The following LAMA5 variants were observed in gnomAD, a reference collection of about 807,000 sequenced individuals.
LAMA5 encodes the protein laminin subunit alpha 5.
Under a neutral mutation model 433.4 loss-of-function variants are expected in LAMA5, and 260 were observed. The ratio of observed to expected loss-of-function variants is 0.60; its 90% CI spans 0.54 to 0.66. The LOEUF (loss-of-function observed/expected upper bound fraction) is 0.66, where lower values mean the gene tolerates loss of function less well. LAMA5 is among the 30% of genes least tolerant of loss of function. LAMA5 has a pLI of 0.00. For missense variants in LAMA5, 5,378 were observed against 5,258.5 expected, an observed-to-expected ratio of 1.02 and a Z score of -0.70; for synonymous variants, 2,620 against 2,226.6, an observed-to-expected ratio of 1.18 and a Z score of -4.97.
chr20:62,313,160 G>A lies in LAMA5; in HGVS notation c.8883C>T (p.Ser2961=), dbSNP rs147183908. ...FARISFDSQI[S]TTKRFEQELR... Reference sequence around the variant, plus strand: ...GCTCCTGCTCGAAGCGCTTGGTGGTGCTGATCTGACTGTCGAAGCTGATGC... The same window carrying A: ...GCTCCTGCTCGAAGCGCTTGGTGGTACTGATCTGACTGTCGAAGCTGATGC... Residue 2961 remains serine, a synonymous_variant, in exon 65 of 80, where the codon AGC becomes AGT. Transcript: ENST00000252999. 6 of 1,601,396 alleles carry A rather than the reference G, an allele frequency of 3.7e-6. No homozygotes were observed. The highest frequency in any genetic ancestry group is 1.6e-4 in the Middle Eastern group (1 of 6,068).
rs144793687 is a variant in LAMA5, at chr20:62,333,448, C to G, written c.3055G>C (p.Glu1019Gln). The G allele has an allele frequency of 5.6e-6, 9 of 1,612,596 alleles. No individual in the cohort carries two copies. The African/African-American group carries it at 1.2e-4, about 22-fold the overall frequency. Reference sequence around the variant, plus strand: ...ACCCGCAGCTGCAGGAGCGCCGCCTCGTAGTATGCGCTAGGCAGCAGAACC... The same window carrying G: ...ACCCGCAGCTGCAGGAGCGCCGCCTGGTAGTATGCGCTAGGCAGCAGAACC... ...YVVLLPSAYY[E>Q]AALLQLRVTE... Residue 1019 changes from glutamate to glutamine, a missense_variant, in exon 25 of 80, where the codon GAG becomes CAG. Physicochemically the swap from Glu to Gln is conservative, Grantham distance 29 (BLOSUM62 2). Coordinates refer to ENST00000252999, the MANE Select transcript of LAMA5 (RefSeq NM_005560.6).
rs751806649 is a variant in LAMA5, at chr20:62,310,823, C to A, written c.10288G>T (p.Val3430Leu). 6.4e-7 allele frequency: 1 copy of A among 1,560,822 alleles called. No homozygotes were observed. The highest frequency in any genetic ancestry group is 1.9e-5 in the Admixed American group (1 of 53,526). The change falls in exon 75 of 80, where the codon GTG becomes TTG. Residue 3430 changes from valine to leucine, a missense_variant. Coordinates refer to ENST00000252999, the MANE Select transcript of LAMA5 (RefSeq NM_005560.6). ...SRPGRWHKVS[V>L]RWEKNRILLV... is the part of the protein sequence containing the mutation. ...AGGATCCGGTTCTTCTCCCAGCGCA[C>A]GGAGACCTGGGGGCAGGAGATGGGT...
At chr20:62,352,492 A>C in intron 3 of LAMA5, 132 bp from the exon 4 acceptor site, 1 of 666,876 alleles carries the variant, frequency 1.5e-6, no homozygotes, top group Non-Finnish European at 2.6e-6. Flanking sequence ...CGTGACAGAG[A>C]CCACAGCTCA....
At chr20:62,363,114 G>A (rs1986335888) in intron 1 of LAMA5, among the ~76,000 whole-genome samples, 1 of 152,212 alleles carries the variant, frequency 6.6e-6, no homozygotes, top group South Asian at 2.1e-4. Context: ...AGGACCGTCA[G>A]GGCCGGGATC....
chr20:62,355,604 G>GC (rs1207122470), intron 2 of LAMA5: 1 of 152,236 alleles, frequency 6.6e-6, no homozygotes, highest in Non-Finnish European at 1.5e-5. Context: ...CGGGGCACAG[G>GC]CCTATTCACC....
At chr20:62,343,774 C>CAAAAAAA (rs11474754) in intron 11 of LAMA5, among the ~76,000 whole-genome samples, 8 of 61,384 alleles carry the variant, frequency 1.3e-4, no homozygotes, top group East Asian at 7.4e-4. Context: ...GAAACTCCAT[C>CAAAAAAA]AAAAAAAAAA....
In LAMA5 at chr20:62,324,057, G is replaced by T. The variant is rs369310270; in HGVS notation, c.5768+23C>A. On this transcript the variant is annotated intron_variant, in intron 43 of 79. Transcript: ENST00000252999. The surrounding 1 kb of genome is among the most constrained non-coding windows in gnomAD (Gnocchi z 4.4). ...GGGAGCCTGGCACCATCAGGGCCTCGTCCCGGGAGGAGGCTGGCTTACTTG... is the reference window on the plus strand; with the variant it reads ...GGGAGCCTGGCACCATCAGGGCCTCTTCCCGGGAGGAGGCTGGCTTACTTG... 6.7e-7 allele frequency: 1 copy of T among 1,491,618 alleles called. No individual in the cohort carries two copies. Among genetic ancestry groups the T allele is most frequent in the East Asian group, 2.4e-5 (1 of 42,112 alleles). 92.4% of individuals were successfully genotyped at this position (1,491,618 alleles called of 1,614,324 possible).
intron 50 of LAMA5, 22 bp from the exon 51 acceptor site, chr20:62,319,817 G>A (rs1227773998): frequency 6.6e-7 from 1 of 1,520,740 alleles, no homozygotes; most frequent in South Asian, 1.2e-5. Flanking sequence ...GAGCCCACTA[G>A]CCCACGCTGC....
intron 53 of LAMA5, among the ~76,000 whole-genome samples, chr20:62,318,066 T>G (rs1156274182): frequency 3.5e-4 from 2 of 5,648 alleles, no homozygotes; most frequent in Non-Finnish European, 6.7e-4. Context: ...TGAGGAGAGA[T>G]GGGGAAATGA....
Position 62,318,557 on chromosome 20 carries a change from G to T in LAMA5, c.7136C>A (p.Ala2379Asp). The T allele has an allele frequency of 1.2e-6, 2 of 1,610,222 alleles. No individual in the cohort carries two copies. Among genetic ancestry groups the T allele is most frequent in the Admixed American group, 1.7e-5 (1 of 59,912 alleles). The change falls in exon 53 of 80, where the codon GCC becomes GAC. Residue 2379 changes from alanine to aspartate, a missense_variant. Transcript: ENST00000252999. ...AGCCTCTCGCAGGTCCATGAGGCCG[G>T]CCTCGTGCTGGGCCAGCCGGTCGCG... ...QTRDRLAQHE[A>D]GLMDLREALN...
intron 24 of LAMA5, 27 bp downstream of exon 24, chr20:62,333,537 C>G: frequency 6.4e-7 from 1 of 1,571,420 alleles, no homozygotes; most frequent in Non-Finnish European, 8.6e-7. Context: ...ACCCGGCCCC[C>G]AGCCCTCACT....
chr20:62,350,230 C>A (rs548558628), intron 6 of LAMA5, among the ~76,000 whole-genome samples: 1 of 152,176 alleles, frequency 6.6e-6, no homozygotes, highest in South Asian at 2.1e-4. Flanking sequence ...GGGTTCCACT[C>A]CCTGCTGTCA....
chr20:62,310,141 A>G, intron 77 of LAMA5, 37 bp downstream of exon 77: 1 of 1,611,700 alleles, frequency 6.2e-7, no homozygotes, highest in East Asian at 2.2e-5. Flanking sequence ...ATGGGGAGGC[A>G]AACCCTGCCC....
intron 6 of LAMA5, chr20:62,351,262 G>A (rs1371973288): frequency 4.3e-6 from 1 of 231,970 alleles, no homozygotes; most frequent in Non-Finnish European, 8.6e-6. Flanking sequence ...GGGGAGCTGG[G>A]CGGGCACCCC....
At position 62,324,545 on chromosome 20, in the gene LAMA5, G is replaced by C; in HGVS notation, c.5539C>G (p.Pro1847Ala). Residue 1847 changes from proline to alanine, a missense_variant, in exon 42 of 80, where the codon CCC becomes GCC. By Grantham distance (27) the Pro-to-Ala change is conservative. Coordinates refer to ENST00000252999, the MANE Select transcript of LAMA5 (RefSeq NM_005560.6). The surrounding 1 kb of genome is among the most constrained non-coding windows in gnomAD (Gnocchi z 4.4). ...YRGDSCQECA[P>A]GFYRDVKGLF... ...CCTTTGACGTCCCGATAGAAGCCGG[G>C]GGCACATTCCTGAGGGTGTACGGGG... 6.2e-7 allele frequency: 1 copy of C among 1,611,048 alleles called. No individual in the cohort carries two copies. Among genetic ancestry groups the C allele is most frequent in the South Asian group, 1.1e-5 (1 of 90,770 alleles).
chr20:62,312,916 G>T lies in LAMA5; in HGVS notation c.9050C>A (p.Pro3017Gln). 6.3e-7 allele frequency: 1 copy of T among 1,582,632 alleles called. No homozygotes were observed. Among genetic ancestry groups the T allele is most frequent in the Non-Finnish European group, 8.6e-7 (1 of 1,162,712 alleles). Reference protein sequence around the residue: ...GLKKAVPLQPPPPLTSASKAI... With the variant: ...GLKKAVPLQPQPPLTSASKAI... The stretch of plus-strand genomic sequence containing the variant: ...CTTGCTGGCCGAGGTCAGGGGCGGT[G>T]GGGGCTGCAGTGGGACGGCCTTTTT... Residue 3017 changes from proline to glutamine, a missense_variant, in exon 66 of 80, where the codon CCA (proline) becomes CAA (glutamine). Transcript: ENST00000252999.
At chr20:62,337,483 C>T (rs1274530007) in intron 16 of LAMA5, 107 bp downstream of exon 16, 2 of 1,445,482 alleles carry the variant, frequency 1.4e-6, no homozygotes, top group Non-Finnish European at 1.9e-6. Context: ...GCAGTACACA[C>T]AGCAAGATGC....
chr20:62,336,844 G>C lies in LAMA5; in HGVS notation c.2165-58C>G. On this transcript the variant is annotated intron_variant, in intron 16 of 79. Transcript: ENST00000252999. ...CCAGTGACCAACCCGGAAGGCCAAG[G>C]GTGTCCCAGGCCCAGCCAGAACCCA... 12 of 1,568,472 alleles carry C rather than the reference G, an allele frequency of 7.7e-6. No individual in the cohort carries two copies. The South Asian group carries it at 1.1e-4, about 15-fold the overall frequency.
rs138240481 is a variant in LAMA5 at position 62,328,294 on chromosome 20, G to A, written c.4599C>T (p.Pro1533=). 5.3e-4 allele frequency: 848 copies of A among 1,607,652 alleles called. 14 individuals carry two copies. The highest frequency in any genetic ancestry group is 1.5e-4 in the Admixed American group (9 of 59,312). ...VGCEECNCSG[P]GIQELTDPTC... The stretch of plus-strand genomic sequence containing the variant: ...TAGGGTCTGTGAGCTCCTGGATGCC[G>A]GGCCCTGAGCAGTTACACTCCTCAC... The change falls in exon 35 of 80, where the codon CCC becomes CCT. Residue 1533 remains proline, a synonymous_variant. Coordinates refer to ENST00000252999, the MANE Select transcript of LAMA5 (RefSeq NM_005560.6).
Sources: allele counts gnomAD v4.1 joint callset (sites outside exome capture counted in the v4.1 genomes callset), GRCh38; gene constraint gnomAD v4.1.1; non-coding constraint Gnocchi (gnomAD v3.1); transcripts MANE v1.5; gene names NCBI Gene and HGNC (gene_info 2026-07-23, HGNC 2026-07-21).